CHM: variants seen among roughly 807,000 people sequenced by gnomAD.
CHM encodes CHM Rab escort protein, also known as rab proteins geranylgeranyltransferase component A 1.
CHM carries 10 observed loss-of-function variants against 49.0 expected under a neutral mutation model. The ratio of observed to expected loss-of-function variants is 0.20; its 90% CI spans 0.13 to 0.35. The LOEUF (loss-of-function observed/expected upper bound fraction) is 0.35. CHM is among the 10% of genes least tolerant of loss of function. The pLI is 1.00. For synonymous variants in CHM, 184 were observed against 167.5 expected, an observed-to-expected ratio of 1.10 and a Z score of -0.76; for missense variants, 455 against 478.4, an observed-to-expected ratio of 0.95 and a Z score of 0.46.
intron 12 of CHM, among the ~76,000 whole-genome samples, chrX:85,884,003 T>C (rs927299058): frequency 1.8e-5 from 2 of 110,962 alleles, no homozygotes; most frequent in South Asian, 3.8e-4. Context: ...AAAGATAATG[T>C]TTTGTTCATT....
intron 14 of CHM, among the ~76,000 whole-genome samples, chrX:85,870,664 A>C (rs1466527222): frequency 9.8e-5 from 11 of 112,205 alleles, no homozygotes; most frequent in Non-Finnish European, 1.9e-4. Flanking sequence ...ACGTTTGGGT[A>C]AATGGTACAC....
At chrX:85,883,791 T>G (rs1267567210) in intron 12 of CHM, among the ~76,000 whole-genome samples, 1 of 110,763 alleles carries the variant, frequency 9.0e-6, no homozygotes, top group Non-Finnish European at 1.9e-5. Context: ...TCTGGATTAT[T>G]ACATACATCA....
intron 8 of CHM, among the ~76,000 whole-genome samples, chrX:85,952,827 G>A (rs1156934352): frequency 4.4e-5 from 5 of 112,906 alleles, no homozygotes; most frequent in African/African-American, 6.4e-5. Context: ...GGCCAGAGGG[G>A]AGCCCACTGC....
chrX:85,886,876 T>C (rs1424022541), intron 12 of CHM, among the ~76,000 whole-genome samples: 3 of 108,266 alleles, frequency 2.8e-5, no homozygotes, highest in Non-Finnish European at 5.7e-5. Flanking sequence ...AAATATCAGT[T>C]TTATCTCAGT....
chrX:86,027,429 T>C (rs1933872731), intron 2 of CHM, 62 bp downstream of exon 2: 1 of 931,991 alleles, frequency 1.1e-6, no homozygotes, highest in Non-Finnish European at 1.6e-6. Context: ...TGTGTTTATG[T>C]AAATTTTAAT....
intron 2 of CHM, among the ~76,000 whole-genome samples, chrX:86,019,002 T>C (rs916584888): frequency 1.8e-5 from 2 of 111,660 alleles, no homozygotes; most frequent in African/African-American, 6.5e-5. Flanking sequence ...ACATTATAAA[T>C]ACATATTTTT....
chrX:85,967,144 C>A (rs1404833812), intron 4 of CHM, among the ~76,000 whole-genome samples: 1 of 111,176 alleles, frequency 9.0e-6, no homozygotes, highest in African/African-American at 3.3e-5. Context: ...GAAGTTAATA[C>A]CTAATGAGAA....
At chrX:86,001,071 T>C (rs916485548) in intron 2 of CHM, among the ~76,000 whole-genome samples, 4 of 112,169 alleles carry the variant, frequency 3.6e-5, no homozygotes, top group Non-Finnish European at 7.5e-5. Flanking sequence ...ACACATTGTA[T>C]ACATGTATGA....
At chrX:85,937,239 C>G (rs1928836490) in intron 8 of CHM, among the ~76,000 whole-genome samples, 1 of 100,150 alleles carries the variant, frequency 1.0e-5, no homozygotes, top group Admixed American at 1.1e-4. Flanking sequence ...ACACTCCAGC[C>G]TGGTGACAGA....
chrX:85,890,043 A>G (rs1314817672), intron 12 of CHM, among the ~76,000 whole-genome samples: 1 of 111,130 alleles, frequency 9.0e-6, no homozygotes, highest in African/African-American at 3.3e-5. Context: ...TGGAGACTCT[A>G]AAAGGAGGGA....
intron 12 of CHM, among the ~76,000 whole-genome samples, chrX:85,888,572 G>A (rs1925245674): frequency 9.0e-6 from 1 of 111,556 alleles, no homozygotes; most frequent in African/African-American, 3.3e-5. Context: ...CTGGAACGAA[G>A]AAAGCAGACT....
At chrX:85,954,326 G>A (rs1929901309) in intron 8 of CHM, among the ~76,000 whole-genome samples, 1 of 111,826 alleles carries the variant, frequency 8.9e-6, no homozygotes, top group Non-Finnish European at 1.9e-5. Flanking sequence ...ACTGTGGGTG[G>A]GAGTGTTAAT....
intron 8 of CHM, among the ~76,000 whole-genome samples, chrX:85,912,264 G>C (rs1927073314): frequency 9.0e-6 from 1 of 111,196 alleles, no homozygotes; most frequent in Admixed American, 9.5e-5. Context: ...TGGACACTTA[G>C]GGGAAGCAAT....
chrX:86,007,806 A>G (rs2147760731), intron 2 of CHM, among the ~76,000 whole-genome samples: 1 of 112,303 alleles, frequency 8.9e-6, no homozygotes, highest in African/African-American at 3.2e-5. Context: ...TACACAGTTG[A>G]TGGGAGTATA....
intron 9 of CHM, among the ~76,000 whole-genome samples, chrX:85,908,839 A>G (rs1926759445): frequency 8.9e-6 from 1 of 111,843 alleles, no homozygotes; most frequent in Non-Finnish European, 1.9e-5. Context: ...AAGTTGTTCA[A>G]CTTCTTTAAA....
chrX:86,032,867 G>C (rs1402192200), intron 1 of CHM, among the ~76,000 whole-genome samples: 1 of 111,352 alleles, frequency 9.0e-6, no homozygotes, highest in Non-Finnish European at 1.9e-5. Context: ...CTGTTACAAA[G>C]GTGGCAGCTA....
At chrX:85,969,134 T>C (rs1930741489) in intron 4 of CHM, 1 of 695,087 alleles carries the variant, frequency 1.4e-6, no homozygotes, top group Admixed American at 8.9e-5. Flanking sequence ...TATGAATACA[T>C]TAGAGTTGGT....
Position 85,862,465 on chromosome X carries a change from A to G in CHM, c.*2165T>C, listed in dbSNP as rs1366103383. 1 of 112,590 alleles carries G rather than the reference A, an allele frequency of 8.9e-6. No individual in the cohort carries two copies. Among genetic ancestry groups the G allele is most frequent in the Admixed American group, 9.5e-5 (1 of 10,538 alleles). 9.3% of individuals were successfully genotyped at this position (112,590 alleles called of 1,213,427 possible). On this transcript the variant is annotated 3_prime_UTR_variant, in exon 15 of 15. Coordinates refer to ENST00000357749, the MANE Select transcript of CHM (RefSeq NM_000390.4). ...GGCAAGGCCAATATCCGGTACATTA[A>G]TAAGTATGTATTAGACATTGAGTGC...
At chrX:86,009,839 T>G (rs775769728) in intron 2 of CHM, among the ~76,000 whole-genome samples, 7 of 110,950 alleles carry the variant, frequency 6.3e-5, no homozygotes, top group Non-Finnish European at 1.3e-4. Context: ...ATGGGGAAGA[T>G]GATCTGAGAC....
Sources: gnomAD v4.1 joint callset for allele counts (sites outside exome capture counted in the v4.1 genomes callset) on GRCh38, gnomAD v4.1.1 for gene constraint, MANE v1.5 for transcripts, NCBI Gene and HGNC (gene_info 2026-07-23, HGNC 2026-07-21) for gene names.